Variants in DYNC2I1 observed in about 807,000 individuals in gnomAD.
The protein encoded by DYNC2I1 is cytoplasmic dynein 2 intermediate chain 1.
A neutral mutation model predicts 133.4 loss-of-function variants in DYNC2I1; 89 were observed. That is an observed-to-expected ratio of 0.67 (90% CI 0.56 to 0.80). The LOEUF (loss-of-function observed/expected upper bound fraction) is 0.80. Ranked by LOEUF, DYNC2I1 falls within the 30% of genes least tolerant of loss-of-function variation. DYNC2I1 has a pLI of 0.00. For synonymous variants in DYNC2I1, 504 were observed against 484.3 expected (o/e 1.04, Z -0.54); for missense variants, 1,291 against 1,314.5 (o/e 0.98, Z 0.28).
At chr7:158,839,322 G>A in the DYNC2I1 span, among the ~76,000 whole-genome samples, 22,889 of 128,578 alleles carry the variant, frequency 0.18, 2,892 homozygotes, top group East Asian at 0.52. Context: ...ATGTAACTCC[G>A]TAACACCTGA....
At chr7:158,901,253 G>A (rs1305695478) in intron 8 of DYNC2I1, among the ~76,000 whole-genome samples, 1 of 152,072 alleles carries the variant, frequency 6.6e-6, no homozygotes, top group Non-Finnish European at 1.5e-5. Flanking sequence ...TGTATTTTTG[G>A]TAGAGATGCG....
the DYNC2I1 span, among the ~76,000 whole-genome samples, chr7:158,844,327 C>G: frequency 3.3e-5 from 5 of 152,116 alleles, no homozygotes; most frequent in Non-Finnish European, 5.9e-5. Flanking sequence ...TTTACTAAGC[C>G]AGACCTGGAG....
upstream of DYNC2I1, among the ~76,000 whole-genome samples, chr7:158,855,836 A>C (rs1291457426): frequency 6.6e-6 from 1 of 152,218 alleles, no homozygotes; most frequent in Non-Finnish European, 1.5e-5. Context: ...ACAGTCTCTC[A>C]ACGTTGATTC....
chr7:158,946,426 G>A (rs926076355), downstream of DYNC2I1, among the ~76,000 whole-genome samples: 1 of 152,230 alleles, frequency 6.6e-6, no homozygotes, highest in East Asian at 1.9e-4. Context: ...ACAGAAATCT[G>A]CACCTCCTGT....
chr7:158,876,145 A>G (rs892543426), intron 3 of DYNC2I1, among the ~76,000 whole-genome samples: 1 of 152,214 alleles, frequency 6.6e-6, no homozygotes, highest in African/African-American at 2.4e-5. Flanking sequence ...GGAGACTTAC[A>G]GTCTTAGGAG....
At chr7:158,918,985 CTG>C in intron 15 of DYNC2I1, 116 bp downstream of exon 15, 7 of 1,133,604 alleles carry the variant, frequency 6.2e-6, no homozygotes, top group Non-Finnish European at 8.2e-6. Flanking sequence ...GTACATAAAA[CTG>C]AGAAAGACTG....
intron 7 of DYNC2I1, among the ~76,000 whole-genome samples, chr7:158,888,786 A>G (rs1051908486): frequency 1.3e-5 from 2 of 152,102 alleles, no homozygotes; most frequent in African/African-American, 4.8e-5. Context: ...CAGTATTTTT[A>G]TGAATTGCTT....
Position 158,926,214 on chromosome 7 carries a change from G to A in DYNC2I1, c.2285G>A (p.Arg762Gln), listed in dbSNP as rs1454947200. The change falls in exon 18 of 25, where the codon CGA (arginine) becomes CAA (glutamine). Residue 762 changes from arginine (R) to glutamine (Q), a missense_variant. Physicochemically the swap from Arg to Gln is conservative, Grantham distance 43. Coordinates refer to ENST00000407559, the MANE Select transcript of DYNC2I1 (RefSeq NM_018051.5). ...GGAATCCTTACCTCAGTAAACCACC[G>A]AAGCCCTCTTCAAGCAGTAGAACCT... is the stretch of plus-strand genomic sequence containing the variant. ...TDGILTSVNH[R>Q]SPLQAVEPIS... The A allele has an allele frequency of 2.0e-5, 33 of 1,613,358 alleles. No homozygotes were observed. The highest frequency in any genetic ancestry group is 1.6e-4 in the Middle Eastern group (1 of 6,082).
Position 158,923,639 on chromosome 7 carries a change from TGTC to T in DYNC2I1, c.2167_2169del (p.Val723del), listed in dbSNP as rs773597164. On this transcript the variant is annotated inframe_deletion, in exon 17 of 25. Transcript: ENST00000407559. ...TTGCCGGAACAGCGCACGGCTCAGT[TGTC>T]GTCTGGGATTTGAGAGAAGACTCAA... is the stretch of plus-strand genomic sequence containing the variant. The T allele has an allele frequency of 1.2e-6, 2 of 1,613,992 alleles. No individual in the cohort carries two copies. The highest frequency in any genetic ancestry group is 1.7e-6 in the Non-Finnish European group (2 of 1,179,892).
chr7:158,947,210 G>A (rs1368370514), downstream of DYNC2I1, among the ~76,000 whole-genome samples: 4 of 152,130 alleles, frequency 2.6e-5, no homozygotes, highest in Admixed American at 6.5e-5. Flanking sequence ...GGACAGGCAC[G>A]CGGCCTCTCT....
chr7:158,841,202 TA>T, the DYNC2I1 span, among the ~76,000 whole-genome samples: 98 of 44,262 alleles, frequency 2.2e-3, 6 homozygotes, highest in East Asian at 0.01. Context: ...TATATATATA[TA>T]TATATATATA....
At chr7:158,846,991 AAG>A in the DYNC2I1 span, among the ~76,000 whole-genome samples, 4 of 152,240 alleles carry the variant, frequency 2.6e-5, no homozygotes, top group Non-Finnish European at 5.9e-5. Flanking sequence ...AACTATGTGA[AAG>A]AGTTCTTATT....
Position 158,871,562 on chromosome 7 carries a change from G to A in DYNC2I1, c.490G>A (p.Val164Ile), listed in dbSNP as rs78313003. Residue 164 changes from valine (V) to isoleucine (I), a missense_variant and splice_region_variant, in exon 3 of 25, where the codon GTA becomes ATA. Transcript: ENST00000407559. ...LERAERKGRS[V>I]SKVRSEEKDE... ...GCGGGCGGAGAGGAAAGGCCGCTCA[G>A]GTGGGTCCCCGCTTGCCTTCCTGTG... 72,324 of 1,531,064 alleles carry A rather than the reference G, an allele frequency of 0.047. 2,020 individuals carry two copies. The highest frequency in any genetic ancestry group is 0.11 in the African/African-American group (7,970 of 72,312). The allele number at this position is 1,531,064 out of a possible 1,614,324, so 94.8% of individuals were successfully genotyped here. A position where few individuals can be genotyped will look rare whatever the true frequency, so the allele number is the denominator to read the frequency against.
In DYNC2I1 at chr7:158,926,131, C is replaced by G. The variant is rs1013033836; in HGVS notation, c.2258-56C>G. On this transcript the variant is annotated intron_variant, in intron 17 of 24. Coordinates refer to ENST00000407559, the MANE Select transcript of DYNC2I1 (RefSeq NM_018051.5). ...CGTGTTTGTCCCTGTGTGATGCGAA[C>G]TGCATTTCTTCAACTTACTACTTAC... The G allele has an allele frequency of 5.1e-6, 7 of 1,361,428 alleles. No homozygotes were observed. The African/African-American group carries it at 1.0e-4, about 20-fold the overall frequency. The allele number at this position is 1,361,428 out of a possible 1,614,324, so 84.3% of individuals were successfully genotyped here.
At chr7:158,948,971 G>A (rs138873742), downstream of DYNC2I1, among the ~76,000 whole-genome samples, 945 of 152,298 alleles carry the variant, frequency 6.2e-3, 6 homozygotes, top group African/African-American at 0.022. Flanking sequence ...GGAAGGTTCC[G>A]CTAATCTCGG....
chr7:158,889,769 C>T (rs1845009200), intron 7 of DYNC2I1, among the ~76,000 whole-genome samples: 2 of 151,872 alleles, frequency 1.3e-5, no homozygotes, highest in South Asian at 2.1e-4. Flanking sequence ...TTTGGGAGGC[C>T]GAGGCAGGGG....
intron 21 of DYNC2I1, among the ~76,000 whole-genome samples, chr7:158,931,235 G>A (rs1403353970): frequency 6.6e-6 from 1 of 151,944 alleles, no homozygotes; most frequent in African/African-American, 2.4e-5. Flanking sequence ...TATTATTTGT[G>A]GTATTTATAT....
rs1851765967 is a variant in DYNC2I1, at chr7:158,945,271, C to T, written c.3003-310C>T. Among the ~76,000 whole-genome samples the T allele has an allele frequency of 6.6e-6, 1 of 152,062 alleles. No individual in the cohort carries two copies. The highest frequency in any genetic ancestry group is 1.5e-5 in the Non-Finnish European group (1 of 67,996). ...CAAGGACGAGGCTCTGATAGATGGG[C>T]CTGCCTGTGCTGCTGATGGCCCCCA... On this transcript the variant is annotated intron_variant, in intron 24 of 24. Coordinates refer to ENST00000407559, the MANE Select transcript of DYNC2I1 (RefSeq NM_018051.5). This position sits in a 1 kb window ranked among gnomAD's most constrained non-coding sequence, Gnocchi z 4.1.
At chr7:158,860,461 C>T (rs1841772535) in intron 1 of DYNC2I1, among the ~76,000 whole-genome samples, 1 of 152,124 alleles carries the variant, frequency 6.6e-6, no homozygotes, top group African/African-American at 2.4e-5. Flanking sequence ...GTTTTATGTT[C>T]TTTATTTGTA....
Sources: gnomAD v4.1 joint callset for allele counts (sites outside exome capture counted in the v4.1 genomes callset) on GRCh38, gnomAD v4.1.1 for gene constraint, Gnocchi (gnomAD v3.1) non-coding constraint, MANE v1.5 for transcripts, NCBI Gene and HGNC (gene_info 2026-07-23, HGNC 2026-07-21) for gene names.